Variants in MERTK observed in about 807,000 individuals in gnomAD.
MERTK encodes MER proto-oncogene, tyrosine kinase, also known as tyrosine-protein kinase Mer.
MERTK carries 69 observed loss-of-function variants against 99.3 expected under a neutral mutation model. The ratio of observed to expected loss-of-function variants is 0.70; its 90% CI spans 0.57 to 0.85. MERTK has a LOEUF of 0.85. MERTK is among the 40% of genes least tolerant of loss of function. MERTK has a pLI of 0.00. For synonymous variants in MERTK, 426 were observed against 467.6 expected (o/e 0.91, Z 1.15); for missense variants, 1,125 against 1,249.4 (o/e 0.90, Z 1.50).
Position 111,975,400 on chromosome 2 carries a change from G to A in MERTK, c.1072G>A (p.Gly358Ser), listed in dbSNP as rs113052219. 1 of 1,614,180 alleles carries A rather than the reference G, an allele frequency of 6.2e-7. No individual in the cohort carries two copies. ...GCAAGCCCTGGCTAATTACAGCATT[G>A]GTGTTTCCTGCATGAATGAAATAGG... is the stretch of plus-strand genomic sequence containing the variant. ...QLQALANYSI[G>S]VSCMNEIGWS... Residue 358 changes from glycine (G) to serine (S), a missense_variant, in exon 7 of 19, where the codon GGT becomes AGT. Gly to Ser is a moderately conservative substitution (Grantham distance 56). Transcript: ENST00000295408.
chr2:112,017,490 C>T (rs7425877), intron 15 of MERTK, among the ~76,000 whole-genome samples: 83,372 of 151,592 alleles, frequency 0.55, 23,554 homozygotes, highest in Middle Eastern at 0.68. Flanking sequence ...ATTACCCGGG[C>T]GTGGTGGTGC....
chr2:112,008,138 C>A (rs1426836156), intron 13 of MERTK, among the ~76,000 whole-genome samples: 1 of 152,096 alleles, frequency 6.6e-6, no homozygotes, highest in Non-Finnish European at 1.5e-5. Context: ...TAGTGTCATG[C>A]ATCCATCATT....
intron 4 of MERTK, among the ~76,000 whole-genome samples, chr2:111,960,958 A>AC: frequency 6.6e-6 from 1 of 151,808 alleles, no homozygotes; most frequent in Admixed American, 6.6e-5. Flanking sequence ...CCCGAGGCAG[A>AC]GTATCACAGG....
At chr2:111,935,858 A>G (rs891203209) in intron 2 of MERTK, among the ~76,000 whole-genome samples, 1 of 152,158 alleles carries the variant, frequency 6.6e-6, no homozygotes, top group African/African-American at 2.4e-5. Flanking sequence ...ATGATTATAT[A>G]TCCTGTTTCA....
chr2:112,009,601 G>T (rs1296272056), intron 14 of MERTK, among the ~76,000 whole-genome samples: 1 of 152,172 alleles, frequency 6.6e-6, no homozygotes, highest in Non-Finnish European at 1.5e-5. Flanking sequence ...TGGGGACATT[G>T]TGTCTTTCAT....
chr2:112,029,387 G>A lies in MERTK; in HGVS notation c.*523G>A. 1 of 929,564 alleles carries A rather than the reference G, an allele frequency of 1.1e-6. No individual in the cohort carries two copies. The highest frequency in any genetic ancestry group is 1.3e-6 in the Non-Finnish European group (1 of 778,934). The allele number at this position is 929,564 out of a possible 1,614,324, so 57.6% of individuals were successfully genotyped here. ...AAGGAAGGATATGTTGAACTTACTTGAGACTTGAAAGACAGTGGTCGGCAG... is the reference window on the plus strand; with the variant it reads ...AAGGAAGGATATGTTGAACTTACTTAAGACTTGAAAGACAGTGGTCGGCAG... On this transcript the variant is annotated 3_prime_UTR_variant, in exon 19 of 19. Transcript: ENST00000295408.
At chr2:111,973,850 C>T (rs1343766467) in intron 6 of MERTK, among the ~76,000 whole-genome samples, 1 of 151,718 alleles carries the variant, frequency 6.6e-6, no homozygotes, top group Non-Finnish European at 1.5e-5. Flanking sequence ...CCCTCTCTTG[C>T]CTATGTATAC....
intron 8 of MERTK, among the ~76,000 whole-genome samples, chr2:111,985,790 C>T (rs1236276221): frequency 6.6e-6 from 1 of 152,118 alleles, no homozygotes; most frequent in African/African-American, 2.4e-5. Flanking sequence ...TTACCTCCCA[C>T]CAGGACCCTC....
At chr2:111,939,977 T>A (rs1013222738) in intron 2 of MERTK, among the ~76,000 whole-genome samples, 1 of 152,188 alleles carries the variant, frequency 6.6e-6, no homozygotes, top group African/African-American at 2.4e-5. Context: ...TCTTCCCTTC[T>A]GCCTCTGTCT....
At chr2:111,956,897 A>G (rs890923105) in intron 4 of MERTK, among the ~76,000 whole-genome samples, 1 of 151,614 alleles carries the variant, frequency 6.6e-6, no homozygotes, top group African/African-American at 2.4e-5. Context: ...TTTACATATT[A>G]GAAAAACATT....
chr2:111,951,968 T>C (rs1376218261), intron 4 of MERTK, among the ~76,000 whole-genome samples: 4 of 152,158 alleles, frequency 2.6e-5, no homozygotes, highest in African/African-American at 9.7e-5. Context: ...CTTTTCTGTA[T>C]GTTTTCTCAA....
At chr2:111,992,750 CAAAAA>C (rs35097651) in intron 8 of MERTK, among the ~76,000 whole-genome samples, 3 of 104,660 alleles carry the variant, frequency 2.9e-5, no homozygotes, top group Admixed American at 1.1e-4. Flanking sequence ...GACTCCGTCT[CAAAAA>C]AAAAAAAAAA....
At position 111,904,528 on chromosome 2, in the gene MERTK, A is replaced by G. The variant is rs1684102530; in HGVS notation, c.61+5732A>G. On this transcript the variant is annotated intron_variant, in intron 1 of 18. Coordinates refer to ENST00000295408, the MANE Select transcript of MERTK (RefSeq NM_006343.3). ...GTAGCTGGGATTACAGGTGCCCTCC[A>G]CCAGACCTGGCTAATTTTTGTATTT... Among the ~76,000 whole-genome samples, 3 of 151,786 alleles carry G rather than the reference A, an allele frequency of 2.0e-5. No homozygotes were observed. The South Asian group carries it at 6.2e-4, about 32-fold the overall frequency.
At chr2:111,900,641 TAAAA>T (rs759801075) in intron 1 of MERTK, among the ~76,000 whole-genome samples, 10 of 152,118 alleles carry the variant, frequency 6.6e-5, no homozygotes, top group Non-Finnish European at 1.0e-4. Flanking sequence ...CAGACAATCA[TAAAA>T]AGGCCTTTTA....
chr2:111,973,201 T>TC (rs1676158578), intron 6 of MERTK, among the ~76,000 whole-genome samples: 2 of 152,226 alleles, frequency 1.3e-5, no homozygotes, highest in South Asian at 4.1e-4. Flanking sequence ...TCAGACAGTG[T>TC]CCCTGAGCCT....
intron 1 of MERTK, among the ~76,000 whole-genome samples, chr2:111,919,016 C>G (rs1445350197): frequency 6.6e-6 from 1 of 152,188 alleles, no homozygotes; most frequent in Non-Finnish European, 1.5e-5. Context: ...GAAACTGTCT[C>G]ATTTTACAGA....
At chr2:112,011,354 G>C (rs999412036) in intron 15 of MERTK, among the ~76,000 whole-genome samples, 1 of 152,198 alleles carries the variant, frequency 6.6e-6, no homozygotes, top group African/African-American at 2.4e-5. Context: ...ACACTCCCCT[G>C]TATCTACAAA....
At chr2:111,990,073 TG>T (rs1385103362) in intron 8 of MERTK, among the ~76,000 whole-genome samples, 1 of 152,158 alleles carries the variant, frequency 6.6e-6, no homozygotes, top group Non-Finnish European at 1.5e-5. Flanking sequence ...ATAATACACA[TG>T]GGGTAGCGCC....
intron 1 of MERTK, 39 bp from the exon 2 acceptor site, chr2:111,929,081 T>G (rs374747908): frequency 1.9e-6 from 3 of 1,613,506 alleles, no homozygotes; most frequent in Non-Finnish European, 2.5e-6. Context: ...GAAACTCTTC[T>G]TATTTAAAAG....
Sources: allele counts gnomAD v4.1 joint callset (sites outside exome capture counted in the v4.1 genomes callset), GRCh38; gene constraint gnomAD v4.1.1; transcripts MANE v1.5; gene names NCBI Gene and HGNC (gene_info 2026-07-23, HGNC 2026-07-21).